The following MOB1A variants were observed in gnomAD, a reference collection of about 807,000 sequenced individuals.
The protein encoded by MOB1A is MOB kinase activator 1A.
Under a neutral mutation model 25.1 loss-of-function variants are expected in MOB1A, and 10 were observed. The observed-to-expected ratio is 0.40, with a 90% CI of 0.25 to 0.68. The LOEUF (loss-of-function observed/expected upper bound fraction) is 0.68, where lower values mean the gene tolerates loss of function less well. Among genes scored for constraint, MOB1A ranks in the 30% least tolerant of loss-of-function variants. The pLI is 0.40. For missense variants in MOB1A, 177 were observed against 256.3 expected (o/e 0.69, Z 2.11); for synonymous variants, 81 against 79.5 (o/e 1.02, Z -0.10).
chr2:74,173,948 CAAAAA>C (rs773447145), intron 1 of MOB1A, among the ~76,000 whole-genome samples: 4 of 56,202 alleles, frequency 7.1e-5, no homozygotes, highest in African/African-American at 3.1e-4. Context: ...AACTCCGTCT[CAAAAA>C]AAAAAAAAAA....
chr2:74,155,147 T>C lies in MOB1A; in HGVS notation c.*1421A>G, dbSNP rs1025582019. The C allele has an allele frequency of 2.6e-5, 4 of 152,464 alleles. No homozygotes were observed. Among genetic ancestry groups the C allele is most frequent in the Non-Finnish European group, 4.4e-5 (3 of 68,034 alleles). The allele number at this position is 152,464 out of a possible 1,614,324, so 9.4% of individuals were successfully genotyped here. A position where few individuals can be genotyped will look rare whatever the true frequency, so the allele number is the denominator to read the frequency against. ...ATAGAATGCTGATGAACTTAAAGCT[T>C]TGCCAGTTTGGCAAGTCTTCCAGTA... On this transcript the variant is annotated 3_prime_UTR_variant, in exon 6 of 6. Transcript: ENST00000396049.
rs546017692 is a variant in MOB1A, at chr2:74,178,818, G to A, written c.-144C>T. On this transcript the variant is annotated 5_prime_UTR_variant, in exon 1 of 6. Coordinates refer to ENST00000396049, the MANE Select transcript of MOB1A (RefSeq NM_018221.5). The stretch of plus-strand genomic sequence containing the variant: ...GCTCGGAGCCGGGTTTCTGGCCGCT[G>A]CGAGCCTTTGCAAACCTCGGCGCCC... 4.6e-6 allele frequency: 2 copies of A among 433,320 alleles called. No homozygotes were observed. Among genetic ancestry groups the A allele is most frequent in the East Asian group, 8.6e-5 (2 of 23,178 alleles). The allele number at this position is 433,320 out of a possible 1,614,324, so 26.8% of individuals were successfully genotyped here. A position where few individuals can be genotyped will look rare whatever the true frequency, so the allele number is the denominator to read the frequency against.
intron 1 of MOB1A, chr2:74,173,074 T>G: frequency 2.2e-6 from 1 of 455,274 alleles, no homozygotes; most frequent in East Asian, 6.6e-5. Flanking sequence ...AGGCAGAGGT[T>G]GCAGTAAGCT....
chr2:74,156,765 C>A (rs1692817152), intron 5 of MOB1A, 120 bp from the exon 6 acceptor site: 2 of 690,242 alleles, frequency 2.9e-6, no homozygotes, highest in Middle Eastern at 2.7e-4. Context: ...GATGAAATAA[C>A]CTCTGTGAAC....
intron 4 of MOB1A, among the ~76,000 whole-genome samples, chr2:74,162,570 T>G (rs750217258): frequency 2.6e-5 from 4 of 152,186 alleles, no homozygotes; most frequent in Non-Finnish European, 4.4e-5. Context: ...AATAAGTAAT[T>G]TGTTTAAATC....
chr2:74,174,364 G>A (rs1487346699), intron 1 of MOB1A, among the ~76,000 whole-genome samples: 1 of 152,114 alleles, frequency 6.6e-6, no homozygotes, highest in Non-Finnish European at 1.5e-5. Flanking sequence ...GAGAGACCAA[G>A]GCAGGAGGAT....
chr2:74,175,408 G>A (rs997866953), intron 1 of MOB1A, among the ~76,000 whole-genome samples: 25 of 152,172 alleles, frequency 1.6e-4, no homozygotes, highest in African/African-American at 5.3e-4. Flanking sequence ...TGGAAAAATT[G>A]TCTTCCACAA....
intron 4 of MOB1A, chr2:74,163,939 T>C (rs546649928): frequency 1.3e-5 from 2 of 152,292 alleles, no homozygotes; most frequent in African/African-American, 4.8e-5. Flanking sequence ...GTTTCTAAGT[T>C]CTTTGGAAAA....
intron 1 of MOB1A, among the ~76,000 whole-genome samples, chr2:74,176,696 G>A (rs373031368): frequency 5.3e-5 from 8 of 150,338 alleles, no homozygotes; most frequent in Admixed American, 2.0e-4. Flanking sequence ...CCCGGGAGGC[G>A]GAGCTTACAG....
chr2:74,176,326 T>TA, intron 1 of MOB1A, among the ~76,000 whole-genome samples: 1 of 109,276 alleles, frequency 9.2e-6, no homozygotes, highest in Admixed American at 9.0e-5. Context: ...ATGAAAACAC[T>TA]AAAAATCATA....
chr2:74,176,193 T>C (rs1191142864), intron 1 of MOB1A, among the ~76,000 whole-genome samples: 1 of 139,524 alleles, frequency 7.2e-6, no homozygotes, highest in African/African-American at 2.7e-5. Flanking sequence ...GGAGAATTGC[T>C]TGAACCCGGG....
chr2:74,176,124 A>ACACACAC (rs1558840667), intron 1 of MOB1A, among the ~76,000 whole-genome samples: 12 of 136,980 alleles, frequency 8.8e-5, no homozygotes, highest in Non-Finnish European at 1.3e-4. Context: ...ACACACACAC[A>ACACACAC]AACTAGCCGG....
At chr2:74,178,526 G>A (rs1199095451) in intron 1 of MOB1A, 135 bp downstream of exon 1, 4 of 553,422 alleles carry the variant, frequency 7.2e-6, no homozygotes, top group East Asian at 3.5e-5. Flanking sequence ...CCGCGGACCC[G>A]AACAGAGGCA....
chr2:74,160,842 A>T (rs1692948056), intron 4 of MOB1A, among the ~76,000 whole-genome samples: 1 of 152,116 alleles, frequency 6.6e-6, no homozygotes, highest in Non-Finnish European at 1.5e-5. Flanking sequence ...ACAGGGACAG[A>T]CAGGTCAGGA....
At chr2:74,161,096 C>A (rs527379669) in intron 4 of MOB1A, among the ~76,000 whole-genome samples, 2 of 152,222 alleles carry the variant, frequency 1.3e-5, no homozygotes, top group East Asian at 3.9e-4. Context: ...CATTAGTTGG[C>A]CTTAAAGGCC....
chr2:74,162,578 A>C (rs1235315236), intron 4 of MOB1A, among the ~76,000 whole-genome samples: 3 of 152,232 alleles, frequency 2.0e-5, no homozygotes, highest in Non-Finnish European at 4.4e-5. Context: ...ATTTGTTTAA[A>C]TCTAAACACT....
At chr2:74,161,242 G>T (rs1019231719) in intron 4 of MOB1A, among the ~76,000 whole-genome samples, 3 of 151,994 alleles carry the variant, frequency 2.0e-5, no homozygotes, top group African/African-American at 7.3e-5. Context: ...GATGTTTGTG[G>T]TTATTCTCCA....
At chr2:74,169,872 G>A (rs1430394241) in intron 2 of MOB1A, among the ~76,000 whole-genome samples, 1 of 151,994 alleles carries the variant, frequency 6.6e-6, no homozygotes, top group Non-Finnish European at 1.5e-5. Flanking sequence ...CAAGTGATCT[G>A]CCAACCTCAG....
At chr2:74,172,792 T>G (rs779498456) in intron 1 of MOB1A, 40 bp from the exon 2 acceptor site, 2 of 1,579,490 alleles carry the variant, frequency 1.3e-6, no homozygotes, top group Middle Eastern at 1.7e-4. Flanking sequence ...TTTTTAAGAC[T>G]GGAAGTAGAA....
Sources: allele counts gnomAD v4.1 joint callset (sites outside exome capture counted in the v4.1 genomes callset), GRCh38; gene constraint gnomAD v4.1.1; transcripts MANE v1.5; gene names NCBI Gene and HGNC (gene_info 2026-07-23, HGNC 2026-07-21).